SPOCK1: variants seen among roughly 807,000 people sequenced by gnomAD.
The protein encoded by SPOCK1 is SPARC (osteonectin), cwcv and kazal like domains proteoglycan 1.
SPOCK1 carries 23 observed loss-of-function variants against 55.3 expected under a neutral mutation model. The observed-to-expected ratio is 0.42, with a 90% confidence interval of 0.30 to 0.59. The LOEUF (loss-of-function observed/expected upper bound fraction) is 0.59, where lower values mean the gene tolerates loss of function less well. SPOCK1 is among the 20% of genes least tolerant of loss of function. SPOCK1 has a pLI of 0.22. For synonymous variants in SPOCK1, 226 were observed against 221.0 expected, an observed-to-expected ratio of 1.02 and a Z score of -0.20; for missense variants, 499 against 552.5, an observed-to-expected ratio of 0.90 and a Z score of 0.97.
At chr5:137,434,255 A>G (rs1752808569) in intron 2 of SPOCK1, among the ~76,000 whole-genome samples, 1 of 152,160 alleles carries the variant, frequency 6.6e-6, no homozygotes, top group African/African-American at 2.4e-5. Context: ...GGGAAAAAAG[A>G]GACATTTCTT....
chr5:137,314,977 T>C (rs1757851739), intron 2 of SPOCK1, among the ~76,000 whole-genome samples: 1 of 152,186 alleles, frequency 6.6e-6, no homozygotes. Flanking sequence ...TTCAGGAACA[T>C]TTGAAAGAGT....
intron 3 of SPOCK1, among the ~76,000 whole-genome samples, chr5:137,242,154 G>C (rs772305573): frequency 6.6e-6 from 1 of 152,158 alleles, no homozygotes; most frequent in Non-Finnish European, 1.5e-5. Flanking sequence ...GACCTCTTGA[G>C]CTCCTGAGTT....
intron 2 of SPOCK1, among the ~76,000 whole-genome samples, chr5:137,410,774 C>G (rs1229426815): frequency 6.6e-6 from 1 of 152,232 alleles, no homozygotes; most frequent in Non-Finnish European, 1.5e-5. Flanking sequence ...ACCCAATGCA[C>G]AGTCAGAGAC....
chr5:137,121,891 AG>A (rs1753692059), intron 4 of SPOCK1, among the ~76,000 whole-genome samples: 1 of 146,454 alleles, frequency 6.8e-6, no homozygotes, highest in African/African-American at 2.5e-5. Context: ...TATAATTATT[AG>A]TATATGTTAT....
intron 6 of SPOCK1, among the ~76,000 whole-genome samples, chr5:137,016,391 C>G (rs1284976501): frequency 1.3e-5 from 2 of 152,354 alleles, no homozygotes; most frequent in East Asian, 3.9e-4. Context: ...CACTCATTCT[C>G]TGTCTTACGT....
intron 2 of SPOCK1, among the ~76,000 whole-genome samples, chr5:137,395,665 T>C (rs1480556771): frequency 6.6e-6 from 1 of 152,216 alleles, no homozygotes; most frequent in Non-Finnish European, 1.5e-5. Flanking sequence ...GGCAGGGCTA[T>C]GGTGAGGTGA....
chr5:137,016,321 A>C (rs1346528099), intron 6 of SPOCK1, among the ~76,000 whole-genome samples: 1 of 152,220 alleles, frequency 6.6e-6, no homozygotes, highest in Non-Finnish European at 1.5e-5. Flanking sequence ...AAGGTCATGC[A>C]ATACCGCAAG....
intron 2 of SPOCK1, among the ~76,000 whole-genome samples, chr5:137,450,968 C>A (rs1197755101): frequency 6.6e-6 from 1 of 152,126 alleles, no homozygotes; most frequent in East Asian, 1.9e-4. Flanking sequence ...CCATGCCAGG[C>A]AAATTTCACC....
intron 6 of SPOCK1, among the ~76,000 whole-genome samples, chr5:137,007,920 A>C (rs191177829): frequency 6.6e-6 from 1 of 152,288 alleles, no homozygotes; most frequent in East Asian, 1.9e-4. Flanking sequence ...CTGGAAAAGA[A>C]AATGTGGCTC....
In SPOCK1 at chr5:137,498,565, G is replaced by C. The variant is rs960662003; in HGVS notation, c.1-7C>G. 6.7e-7 allele frequency: 1 copy of C among 1,484,944 alleles called. No individual in the cohort carries two copies. The highest frequency in any genetic ancestry group is 8.9e-7 in the Non-Finnish European group (1 of 1,125,992). 92.0% of individuals were successfully genotyped at this position (1,484,944 alleles called of 1,614,324 possible). A position where few individuals can be genotyped will look rare whatever the true frequency, so the allele number is the denominator to read the frequency against. On this transcript the variant is annotated splice_polypyrimidine_tract_variant and splice_region_variant and intron_variant, in intron 1 of 10. Transcript: ENST00000394945. The stretch of plus-strand genomic sequence containing the variant: ...ACACCGCGATCGCCGGCATCTGCGG[G>C]GCAGGGCGCGCAGGGCGATGAGCGA...
At chr5:137,217,043 G>A (rs1307533207) in intron 3 of SPOCK1, among the ~76,000 whole-genome samples, 2 of 152,148 alleles carry the variant, frequency 1.3e-5, no homozygotes, top group Non-Finnish European at 2.9e-5. Context: ...AGGGAGTGGA[G>A]AGCTCAGACT....
At chr5:137,015,418 C>A in intron 6 of SPOCK1, among the ~76,000 whole-genome samples, 1 of 152,146 alleles carries the variant, frequency 6.6e-6, no homozygotes, top group East Asian at 1.9e-4. Flanking sequence ...CCACTGCACT[C>A]TAGCCTGGAC....
chr5:137,062,606 G>T (rs2127003571), intron 6 of SPOCK1, among the ~76,000 whole-genome samples: 1 of 151,580 alleles, frequency 6.6e-6, no homozygotes, highest in Admixed American at 6.6e-5. Flanking sequence ...GAGTACTGAA[G>T]AAAAAGCATC....
chr5:136,981,759 T>C (rs907830381), intron 9 of SPOCK1, among the ~76,000 whole-genome samples: 48 of 152,164 alleles, frequency 3.2e-4, no homozygotes, highest in African/African-American at 1.1e-3. Flanking sequence ...AATACATATA[T>C]AAGCATGAAT....
chr5:137,460,598 A>G (rs1753466636), intron 2 of SPOCK1, among the ~76,000 whole-genome samples: 1 of 152,206 alleles, frequency 6.6e-6, no homozygotes, highest in Non-Finnish European at 1.5e-5. Context: ...GACTGTCTCT[A>G]GCAGAGAGGC....
intron 5 of SPOCK1, among the ~76,000 whole-genome samples, chr5:137,072,280 A>G (rs1355395612): frequency 1.3e-5 from 2 of 152,250 alleles, no homozygotes; most frequent in East Asian, 3.8e-4. Context: ...TCTCTAAAGG[A>G]GGAGAGTTGA....
At chr5:137,238,163 C>T (rs964735879) in intron 3 of SPOCK1, among the ~76,000 whole-genome samples, 12 of 152,306 alleles carry the variant, frequency 7.9e-5, no homozygotes, top group East Asian at 1.9e-4. Context: ...TATGTAAACC[C>T]AAGCTACTTA....
chr5:137,328,419 T>C lies in SPOCK1; in HGVS notation c.187-61364A>G, dbSNP rs887360846. Among the ~76,000 whole-genome samples the C allele has an allele frequency of 1.2e-3, 188 of 152,286 alleles. 1 individual carries two copies. Among genetic ancestry groups the C allele is most frequent in the African/African-American group, 4.4e-3 (183 of 41,562 alleles). On this transcript the variant is annotated intron_variant, in intron 2 of 10. Coordinates refer to ENST00000394945, the MANE Select transcript of SPOCK1 (RefSeq NM_004598.4). ...AACCCAGAAGAGAAAATATGATCCA[T>C]GTGGTCTTCAGGGGAGAGAGCAAGT...
At chr5:137,296,964 T>G (rs1328498956) in intron 2 of SPOCK1, among the ~76,000 whole-genome samples, 1 of 152,072 alleles carries the variant, frequency 6.6e-6, no homozygotes, top group Non-Finnish European at 1.5e-5. Context: ...TTAGCTGGAG[T>G]GCACCTCAAG....
Sources: allele counts gnomAD v4.1 joint callset (sites outside exome capture counted in the v4.1 genomes callset), GRCh38; gene constraint gnomAD v4.1.1; transcripts MANE v1.5; gene names NCBI Gene and HGNC (gene_info 2026-07-23, HGNC 2026-07-21).